CDH4: variants seen among roughly 807,000 people sequenced by gnomAD.
CDH4 encodes cadherin 4, also known as cadherin-4.
CDH4 carries 33 observed loss-of-function variants against 86.0 expected under a neutral mutation model. That is an observed-to-expected ratio of 0.38 (90% CI 0.29 to 0.51). CDH4 has a LOEUF of 0.51. Among genes scored for constraint, CDH4 ranks in the 20% least tolerant of loss-of-function variants. CDH4 has a pLI of 0.86. For missense variants in CDH4, 1,114 were observed against 1,307.4 expected, an observed-to-expected ratio of 0.85 and a Z score of 2.28; for synonymous variants, 555 against 549.4, an observed-to-expected ratio of 1.01 and a Z score of -0.14.
At chr20:61,666,217 C>T (rs2087322548) in intron 2 of CDH4, among the ~76,000 whole-genome samples, 1 of 152,238 alleles carries the variant, frequency 6.6e-6, no homozygotes, top group African/African-American at 2.4e-5. Context: ...GCTGTTGCCA[C>T]ACTTTGTCCA....
chr20:61,589,674 G>A (rs1188284390), intron 2 of CDH4, among the ~76,000 whole-genome samples: 1 of 152,120 alleles, frequency 6.6e-6, no homozygotes. Context: ...AGGTTCATAT[G>A]TATATATGTG....
At chr20:61,256,264 G>A (rs1412625080) in intron 2 of CDH4, among the ~76,000 whole-genome samples, 2 of 152,212 alleles carry the variant, frequency 1.3e-5, no homozygotes, top group African/African-American at 4.8e-5. Flanking sequence ...AGTCTGCTGT[G>A]TGCATGTCCT....
intron 2 of CDH4, among the ~76,000 whole-genome samples, chr20:61,512,793 C>T (rs982836221): frequency 6.6e-6 from 1 of 152,150 alleles, no homozygotes; most frequent in Non-Finnish European, 1.5e-5. Flanking sequence ...CCTGACTCTT[C>T]GAGGAAGCTC....
At chr20:61,775,677 C>CACAG (rs2088832490) in intron 4 of CDH4, among the ~76,000 whole-genome samples, 1 of 152,194 alleles carries the variant, frequency 6.6e-6, no homozygotes, top group African/African-American at 2.4e-5. Flanking sequence ...CCCTCACAGG[C>CACAG]ACAGGGTAGG....
chr20:61,608,468 GT>G (rs2086661189), intron 2 of CDH4, among the ~76,000 whole-genome samples: 1 of 152,224 alleles, frequency 6.6e-6, no homozygotes, highest in African/African-American at 2.4e-5. Context: ...GCAGCCTAGA[GT>G]CGTCAGGACC....
intron 2 of CDH4, among the ~76,000 whole-genome samples, chr20:61,335,966 A>G (rs1353290863): frequency 6.6e-6 from 1 of 152,168 alleles, no homozygotes; most frequent in Non-Finnish European, 1.5e-5. Context: ...ATGAAAGTAG[A>G]AACGCGGCCC....
rs192500488 is a variant in CDH4, at chr20:61,900,489, G to A, written c.1188+5442G>A. The stretch of plus-strand genomic sequence containing the variant: ...CTACCAGGGACGGCTTCCCAGAGAC[G>A]GCTGCAGAGGGGGCGCTTCTGAGAG... On this transcript the variant is annotated intron_variant, in intron 8 of 15. Transcript: ENST00000614565. 5.7e-3 allele frequency among the ~76,000 whole-genome samples: 868 copies of A among 152,262 alleles called. 4 individuals carry two copies. Among genetic ancestry groups the A allele is most frequent in the Non-Finnish European group, 7.8e-3 (530 of 68,020 alleles).
intron 2 of CDH4, among the ~76,000 whole-genome samples, chr20:61,740,207 TAAGTA>T (rs2088316951): frequency 6.6e-6 from 1 of 152,138 alleles, no homozygotes; most frequent in South Asian, 2.1e-4. Context: ...CCCAGTAGCC[TAAGTA>T]AAGAGGGAAA....
intron 2 of CDH4, among the ~76,000 whole-genome samples, chr20:61,281,427 C>A (rs1382276448): frequency 6.6e-6 from 1 of 152,188 alleles, no homozygotes; most frequent in Admixed American, 6.5e-5. Context: ...GGAATTGGGC[C>A]CTCACCAGAC....
At chr20:61,326,781 G>A (rs139604556) in intron 2 of CDH4, among the ~76,000 whole-genome samples, 1 of 152,192 alleles carries the variant, frequency 6.6e-6, no homozygotes, top group East Asian at 1.9e-4. Context: ...CATTTCCTTG[G>A]AGGAAAAATG....
chr20:61,295,987 C>T (rs796310743), intron 2 of CDH4, among the ~76,000 whole-genome samples: 6 of 152,230 alleles, frequency 3.9e-5, no homozygotes, highest in African/African-American at 1.4e-4. Flanking sequence ...AGGGTCTACC[C>T]CCGCTGCAGG....
chr20:61,845,880 AC>A (rs1285110486), intron 5 of CDH4, among the ~76,000 whole-genome samples: 2 of 152,182 alleles, frequency 1.3e-5, no homozygotes, highest in African/African-American at 4.8e-5. Flanking sequence ...GCAGCTTCTC[AC>A]GTCTGTGACT....
In CDH4 at chr20:61,582,554, G is replaced by A. The variant is rs142202691; in HGVS notation, c.170-161009G>A. 2.9e-3 allele frequency among the ~76,000 whole-genome samples: 437 copies of A among 152,202 alleles called. 2 individuals carry two copies. The highest frequency in any genetic ancestry group is 0.015 in the Admixed American group (233 of 15,304). On this transcript the variant is annotated intron_variant, in intron 2 of 15. Transcript: ENST00000614565. This position sits in a 1 kb window ranked among gnomAD's most constrained non-coding sequence, Gnocchi z 4.2. ...TGTAGACTTCCCTCCCAGTGCTTCC[G>A]GGGAGAGTCTCCCCAGTTGCACCCA...
At chr20:61,311,217 A>C (rs959547216) in intron 2 of CDH4, among the ~76,000 whole-genome samples, 1 of 152,186 alleles carries the variant, frequency 6.6e-6, no homozygotes, top group South Asian at 2.1e-4. Context: ...ACACACCCAC[A>C]CCAGCAATGT....
At chr20:61,894,054 C>G (rs796283083) in intron 7 of CDH4, among the ~76,000 whole-genome samples, 6 of 152,274 alleles carry the variant, frequency 3.9e-5, no homozygotes, top group African/African-American at 1.4e-4. Context: ...CACAGGTTCC[C>G]TTTTCGCTTT....
chr20:61,426,376 T>C (rs564886904), intron 2 of CDH4, among the ~76,000 whole-genome samples: 11 of 152,282 alleles, frequency 7.2e-5, no homozygotes, highest in African/African-American at 2.6e-4. Flanking sequence ...GTCTAACTCA[T>C]AGGCACTGCA....
Position 61,252,421 on chromosome 20 carries a change from A to T in CDH4, c.-93A>T. On this transcript the variant is annotated 5_prime_UTR_variant, in exon 1 of 16. Transcript: ENST00000614565. The surrounding 1 kb of genome is among the most constrained non-coding windows in gnomAD (Gnocchi z 4.4). ...CGGGGGAGCGGCGGCGGCGGCGGCG[A>T]TCGGAGCGGCGGCGGTGGTCTCGGC... The T allele has an allele frequency of 4.1e-6, 2 of 486,636 alleles. No homozygotes were observed. The highest frequency in any genetic ancestry group is 5.2e-6 in the Non-Finnish European group (2 of 386,066). 30.1% of individuals were successfully genotyped at this position (486,636 alleles called of 1,614,324 possible). A position where few individuals can be genotyped will look rare whatever the true frequency, so the allele number is the denominator to read the frequency against.
intron 2 of CDH4, among the ~76,000 whole-genome samples, chr20:61,515,111 T>A (rs145150936): frequency 5.4e-4 from 83 of 152,368 alleles, no homozygotes; most frequent in African/African-American, 1.8e-3. Flanking sequence ...AAACTGGAAT[T>A]TTTTGTTTAA....
chr20:61,934,845 GGACTT>G (rs2055160985), intron 15 of CDH4, among the ~76,000 whole-genome samples: 3 of 152,172 alleles, frequency 2.0e-5, no homozygotes, highest in South Asian at 4.1e-4. Flanking sequence ...GGGTTGGAGG[GGACTT>G]GACTTGACCA....
Sources: allele counts gnomAD v4.1 joint callset (sites outside exome capture counted in the v4.1 genomes callset), GRCh38; gene constraint gnomAD v4.1.1; non-coding constraint Gnocchi (gnomAD v3.1); transcripts MANE v1.5; gene names NCBI Gene and HGNC (gene_info 2026-07-23, HGNC 2026-07-21).